Variants in AK8 observed in about 807,000 individuals in gnomAD.
The protein encoded by AK8 is ATP-AMP transphosphorylase 8.
AK8 carries 44 observed loss-of-function variants against 54.6 expected under a neutral mutation model. That is an observed-to-expected ratio of 0.81 (90% CI 0.63 to 1.04). AK8 has a LOEUF of 1.04. Among genes scored for constraint, AK8 ranks in the 50% least tolerant of loss-of-function variants. The probability of loss-of-function intolerance (pLI) is 0.00; values close to 1 mark genes in which losing one functional copy is unlikely to be tolerated. For missense variants in AK8, 555 were observed against 613.6 expected (o/e 0.90, Z 1.01); for synonymous variants, 239 against 245.6 (o/e 0.97, Z 0.25).
upstream of AK8, chr9:132,878,898 C>T (rs1388965568): frequency 3.9e-6 from 2 of 513,826 alleles, no homozygotes; most frequent in Non-Finnish European, 5.0e-6. The surrounding 1 kb of genome is among the most constrained non-coding windows in gnomAD (Gnocchi z 4.7). Flanking sequence ...CCCACCCACC[C>T]TCGCCTCCCA....
chr9:132,792,885 T>C (rs923716394), intron 10 of AK8, 110 bp from the exon 11 acceptor site: 1 of 1,340,952 alleles, frequency 7.5e-7, no homozygotes, highest in Admixed American at 2.7e-5. Flanking sequence ...TGGGTCTAGG[T>C]GGAGCCACTT....
At chr9:132,829,164 G>A in intron 5 of AK8, among the ~76,000 whole-genome samples, 1 of 152,070 alleles carries the variant, frequency 6.6e-6, no homozygotes, top group East Asian at 1.9e-4. Context: ...CACCATGTTA[G>A]CCAGGCTGGT....
chr9:132,810,008 G>C (rs1840920187), intron 10 of AK8, among the ~76,000 whole-genome samples: 1 of 152,216 alleles, frequency 6.6e-6, no homozygotes, highest in Admixed American at 6.5e-5. Flanking sequence ...GCCAGACCTG[G>C]GTGGTTCCAG....
chr9:132,797,799 T>C (rs1840243599), intron 10 of AK8, among the ~76,000 whole-genome samples: 1 of 152,104 alleles, frequency 6.6e-6, no homozygotes, highest in South Asian at 2.1e-4. Context: ...AAGGACACAA[T>C]CTCCCCCGAA....
At chr9:132,741,815 A>C (rs1837406801) in intron 11 of AK8, among the ~76,000 whole-genome samples, 1 of 152,076 alleles carries the variant, frequency 6.6e-6, no homozygotes, top group African/African-American at 2.4e-5. Context: ...CCCCTTCCCC[A>C]GCTCCCAGCC....
intron 11 of AK8, among the ~76,000 whole-genome samples, chr9:132,744,050 C>T (rs1456856491): frequency 6.6e-6 from 1 of 152,136 alleles, no homozygotes; most frequent in Non-Finnish European, 1.5e-5. Flanking sequence ...GGGGGTTGAC[C>T]CTGCTTATGT....
chr9:132,731,358 A>G (rs138954050), intron 11 of AK8, among the ~76,000 whole-genome samples: 81 of 152,270 alleles, frequency 5.3e-4, no homozygotes, highest in African/African-American at 1.8e-3. Flanking sequence ...AGCTCCTAGC[A>G]ACGTGGTAAA....
At chr9:132,828,952 ATC>A (rs1841995277) in intron 5 of AK8, among the ~76,000 whole-genome samples, 1 of 150,946 alleles carries the variant, frequency 6.6e-6, no homozygotes, top group African/African-American at 2.4e-5. Context: ...TATATTTTAC[ATC>A]TTGATTTTTT....
At chr9:132,755,648 T>TTC (rs1445608226) in intron 11 of AK8, among the ~76,000 whole-genome samples, 1 of 152,138 alleles carries the variant, frequency 6.6e-6, no homozygotes, top group African/African-American at 2.4e-5. Flanking sequence ...TCACCAGCTA[T>TTC]AGAAGTGGTG....
At chr9:132,877,934 G>A (rs1424680798) in intron 1 of AK8, 3 of 986,692 alleles carry the variant, frequency 3.0e-6, no homozygotes, top group Non-Finnish European at 4.6e-6. Flanking sequence ...ATCCCGGCTC[G>A]AGTGGCCCCC....
chr9:132,818,120 C>T (rs1484806640), intron 9 of AK8, among the ~76,000 whole-genome samples: 2 of 152,166 alleles, frequency 1.3e-5, no homozygotes, highest in Non-Finnish European at 2.9e-5. Context: ...GCAGCCAAAA[C>T]ATCCTTCAAA....
At chr9:132,877,486 G>C (rs1047073949) in intron 1 of AK8, among the ~76,000 whole-genome samples, 3 of 152,200 alleles carry the variant, frequency 2.0e-5, no homozygotes, top group African/African-American at 7.2e-5. Flanking sequence ...GAGTGGCTGA[G>C]AGTTCTTCCC....
intron 11 of AK8, among the ~76,000 whole-genome samples, chr9:132,729,882 C>G (rs1035452798): frequency 2.6e-5 from 4 of 152,122 alleles, no homozygotes; most frequent in Non-Finnish European, 5.9e-5. Context: ...CCTCTACGTG[C>G]GGAGAAAACA....
At chr9:132,761,752 A>G (rs1254696526) in intron 11 of AK8, among the ~76,000 whole-genome samples, 1 of 151,874 alleles carries the variant, frequency 6.6e-6, no homozygotes, top group Non-Finnish European at 1.5e-5. Flanking sequence ...AAATATGTCA[A>G]TCTGTTCTTT....
At chr9:132,801,789 C>G (rs1840469873) in intron 10 of AK8, among the ~76,000 whole-genome samples, 2 of 152,210 alleles carry the variant, frequency 1.3e-5, no homozygotes, top group South Asian at 4.1e-4. Flanking sequence ...AATATTAATT[C>G]ATGTAGTTTT....
chr9:132,726,384 C>T (rs1422193519), intron 12 of AK8, among the ~76,000 whole-genome samples: 4 of 150,794 alleles, frequency 2.7e-5, no homozygotes, highest in African/African-American at 7.3e-5. Context: ...GCGCGATCTT[C>T]GCTCACCACA....
chr9:132,742,596 G>A (rs1322440053), intron 11 of AK8, among the ~76,000 whole-genome samples: 1 of 152,182 alleles, frequency 6.6e-6, no homozygotes, highest in Non-Finnish European at 1.5e-5. Context: ...CCTCTGAGGG[G>A]CTGTGCCAGG....
intron 11 of AK8, among the ~76,000 whole-genome samples, chr9:132,768,219 T>C (rs1838804268): frequency 6.6e-6 from 1 of 152,210 alleles, no homozygotes; most frequent in Admixed American, 6.5e-5. Flanking sequence ...CCCTCATGAA[T>C]ATGTACCATT....
intron 11 of AK8, among the ~76,000 whole-genome samples, chr9:132,765,219 G>T (rs976784715): frequency 6.7e-6 from 1 of 150,076 alleles, no homozygotes; most frequent in East Asian, 2.0e-4. Context: ...CTTGAGCCCA[G>T]GGGGCGGAGG....
Sources: gnomAD v4.1 joint callset for allele counts (sites outside exome capture counted in the v4.1 genomes callset) on GRCh38, gnomAD v4.1.1 for gene constraint, Gnocchi (gnomAD v3.1) non-coding constraint, MANE v1.5 for transcripts, NCBI Gene and HGNC (gene_info 2026-07-23, HGNC 2026-07-21) for gene names.